The following IGSF11 variants were observed in gnomAD, a reference collection of about 807,000 sequenced individuals.
The protein encoded by IGSF11 is CXADR like 1.
A neutral mutation model predicts 41.0 loss-of-function variants in IGSF11; 22 were observed. The ratio of observed to expected loss-of-function variants is 0.54; its 90% confidence interval spans 0.38 to 0.77. The LOEUF (loss-of-function observed/expected upper bound fraction) is 0.77, where lower values mean the gene tolerates loss of function less well. Among genes scored for constraint, IGSF11 ranks in the 30% least tolerant of loss-of-function variants. IGSF11 has a pLI of 0.00. For synonymous variants in IGSF11, 219 were observed against 201.3 expected, an observed-to-expected ratio of 1.09 and a Z score of -0.74; for missense variants, 444 against 530.8, an observed-to-expected ratio of 0.84 and a Z score of 1.61.
intron 1 of IGSF11, among the ~76,000 whole-genome samples, chr3:119,073,374 C>T (rs1401652016): frequency 6.6e-6 from 1 of 152,220 alleles, no homozygotes; most frequent in East Asian, 1.9e-4. Context: ...GCAGAGCTGC[C>T]TGCCAGTCCT....
chr3:119,122,438 A>G (rs917007829), intron 1 of IGSF11, among the ~76,000 whole-genome samples: 6 of 152,242 alleles, frequency 3.9e-5, no homozygotes, highest in Non-Finnish European at 8.8e-5. Flanking sequence ...GTTGAAATGC[A>G]CTGGGGCCCT....
At chr3:118,987,257 T>C (rs1488930423) in intron 1 of IGSF11, among the ~76,000 whole-genome samples, 1 of 152,202 alleles carries the variant, frequency 6.6e-6, no homozygotes, top group Non-Finnish European at 1.5e-5. Flanking sequence ...GCCAGATAAG[T>C]GTGAGGGTTA....
chr3:119,017,380 T>C (rs865779974), intron 1 of IGSF11, among the ~76,000 whole-genome samples: 19 of 152,220 alleles, frequency 1.2e-4, no homozygotes, highest in African/African-American at 4.6e-4. Flanking sequence ...TATAACATGA[T>C]GGTAAATATG....
chr3:119,006,156 C>T (rs1201462715), intron 1 of IGSF11, among the ~76,000 whole-genome samples: 2 of 121,442 alleles, frequency 1.6e-5, no homozygotes, highest in East Asian at 2.2e-4. Flanking sequence ...GGAGGCTTTG[C>T]TCGTTTCTTT....
At chr3:118,958,656 A>T (rs957543053) in intron 1 of IGSF11, among the ~76,000 whole-genome samples, 1 of 152,240 alleles carries the variant, frequency 6.6e-6, no homozygotes, top group African/African-American at 2.4e-5. Context: ...ACTAGAATGA[A>T]TTCAAAAATG....
At chr3:118,974,995 C>T (rs1259771684) in intron 1 of IGSF11, among the ~76,000 whole-genome samples, 1 of 152,036 alleles carries the variant, frequency 6.6e-6, no homozygotes, top group Non-Finnish European at 1.5e-5. Context: ...CAGATTAGGC[C>T]ATTAATCTCC....
At chr3:119,012,615 TTAAA>T (rs1302547808) in intron 1 of IGSF11, among the ~76,000 whole-genome samples, 1 of 152,198 alleles carries the variant, frequency 6.6e-6, no homozygotes, top group Non-Finnish European at 1.5e-5. Context: ...TTCTCATCTC[TTAAA>T]TAAAACTCCC....
intron 1 of IGSF11, among the ~76,000 whole-genome samples, chr3:118,985,410 CTTG>C (rs568663485): frequency 9.5e-4 from 145 of 152,296 alleles, no homozygotes; most frequent in Middle Eastern, 3.4e-3. Flanking sequence ...GATCATTCTA[CTTG>C]TTGTTTCTAA....
intron 1 of IGSF11, among the ~76,000 whole-genome samples, chr3:119,005,011 G>A (rs1318235925): frequency 6.7e-6 from 1 of 149,850 alleles, no homozygotes; most frequent in Non-Finnish European, 1.5e-5. Flanking sequence ...CAATTCCTGG[G>A]TATCCTTGTT....
Position 118,902,666 on chromosome 3 carries a change from C to T in IGSF11, c.1150G>A (p.Val384Met). The T allele has an allele frequency of 6.2e-7, 1 of 1,614,100 alleles. No individual in the cohort carries two copies. The highest frequency in any genetic ancestry group is 1.3e-5 in the African/African-American group (1 of 75,022). The change falls in exon 7 of 7, where the codon GTG (valine) becomes ATG (methionine). Residue 384 changes from valine (V) to methionine (M), a missense_variant. By Grantham distance (21) the Val-to-Met change is conservative. Around this residue, in one of 3 missense-constraint regions of IGSF11, gnomAD observed 223 missense variants for 226.2 expected, o/e 0.99. Coordinates refer to ENST00000393775, the MANE Select transcript of IGSF11 (RefSeq NM_001015887.3). ...ACTGAGCCATTGCTCCTGGACATCA[C>T]CTGTGGTGATGACCCTCTGTTGGCT... ...VTANRGSSPQVMSRSNGSVSR... is the reference protein window; with the variant it reads ...VTANRGSSPQMMSRSNGSVSR...
At chr3:119,106,816 C>A (rs1054793879), upstream of IGSF11, among the ~76,000 whole-genome samples, 1 of 152,034 alleles carries the variant, frequency 6.6e-6, no homozygotes, top group Non-Finnish European at 1.5e-5. Context: ...CAATTCCCAC[C>A]TATGAGTGAG....
intron 1 of IGSF11, among the ~76,000 whole-genome samples, chr3:119,008,610 G>A (rs1937698619): frequency 6.6e-6 from 1 of 152,148 alleles, no homozygotes; most frequent in African/African-American, 2.4e-5. Flanking sequence ...AACATTTTTG[G>A]TGATTCTGAA....
chr3:119,126,957 C>G (rs923816558), intron 1 of IGSF11, among the ~76,000 whole-genome samples: 1 of 152,082 alleles, frequency 6.6e-6, no homozygotes, highest in African/African-American at 2.4e-5. Context: ...CCCAAAAGGT[C>G]AGAGTGCCTC....
chr3:119,003,509 T>C (rs983741672), intron 1 of IGSF11, among the ~76,000 whole-genome samples: 7 of 151,152 alleles, frequency 4.6e-5, no homozygotes, highest in African/African-American at 1.7e-4. Flanking sequence ...TCCAACACTA[T>C]GTTGAATAGG....
At chr3:119,057,891 A>C (rs1289546142) in intron 1 of IGSF11, among the ~76,000 whole-genome samples, 1 of 152,224 alleles carries the variant, frequency 6.6e-6, no homozygotes, top group Non-Finnish European at 1.5e-5. Context: ...CCTATTTAAT[A>C]AATGGTGCTG....
chr3:118,991,448 G>A (rs1480317485), intron 1 of IGSF11, among the ~76,000 whole-genome samples: 1 of 152,044 alleles, frequency 6.6e-6, no homozygotes, highest in Non-Finnish European at 1.5e-5. Flanking sequence ...TCATGAACTG[G>A]GATAAATAAG....
chr3:119,106,871 A>G (rs1011007405), upstream of IGSF11, among the ~76,000 whole-genome samples: 12 of 152,092 alleles, frequency 7.9e-5, 1 homozygote, highest in African/African-American at 2.9e-4. Flanking sequence ...GTTTACTGAG[A>G]ATGATGATTT....
intron 1 of IGSF11, among the ~76,000 whole-genome samples, chr3:119,080,062 G>A (rs567172682): frequency 1.3e-5 from 2 of 152,198 alleles, no homozygotes; most frequent in Non-Finnish European, 2.9e-5. Context: ...AATAAAAAAG[G>A]GTTAGGTTAA....
chr3:118,968,446 G>C (rs1932966121), intron 1 of IGSF11, among the ~76,000 whole-genome samples: 2 of 152,002 alleles, frequency 1.3e-5, no homozygotes, highest in South Asian at 4.2e-4. Flanking sequence ...CCTTAATATC[G>C]AATTAAAAAA....
Sources: allele counts gnomAD v4.1 joint callset (sites outside exome capture counted in the v4.1 genomes callset), GRCh38; gene constraint gnomAD v4.1.1; regional missense constraint gnomAD v4.1.1; transcripts MANE v1.5; gene names NCBI Gene and HGNC (gene_info 2026-07-23, HGNC 2026-07-21).